Variants in TNC observed in about 807,000 individuals in gnomAD.
The protein encoded by TNC is tenascin C.
A neutral mutation model predicts 202.4 loss-of-function variants in TNC; 109 were observed. The observed-to-expected ratio is 0.54, with a 90% CI of 0.46 to 0.63. The LOEUF is 0.63. Ranked by LOEUF, TNC falls within the 30% of genes least tolerant of loss-of-function variation. The pLI is 0.00. For missense variants in TNC, 2,756 were observed against 2,833.3 expected (o/e 0.97, Z 0.62); for synonymous variants, 1,007 against 1,089.7 (o/e 0.92, Z 1.50).
intron 1 of TNC, among the ~76,000 whole-genome samples, chr9:115,109,819 G>T (rs1021706893): frequency 2.6e-5 from 4 of 152,200 alleles, no homozygotes; most frequent in African/African-American, 9.6e-5. Flanking sequence ...CTGCATACTT[G>T]CAAGCCAGTG....
chr9:115,090,479 T>G (rs571996444), intron 2 of TNC, 83 bp downstream of exon 2: 35 of 1,168,982 alleles, frequency 3.0e-5, no homozygotes, highest in Non-Finnish European at 4.2e-5. Flanking sequence ...GAGCCCACTT[T>G]GGAAGCAAGT....
At chr9:115,062,218 A>G (rs530489316) in intron 13 of TNC, among the ~76,000 whole-genome samples, 2 of 152,338 alleles carry the variant, frequency 1.3e-5, no homozygotes, top group East Asian at 3.9e-4. Flanking sequence ...ACTGACATTC[A>G]TTAACTTATT....
chr9:115,072,731 G>A (rs915448578), intron 10 of TNC, among the ~76,000 whole-genome samples: 11 of 152,066 alleles, frequency 7.2e-5, no homozygotes, highest in Non-Finnish European at 1.0e-4. Flanking sequence ...ATATCAGTAC[G>A]GTACAATGTA....
At chr9:115,031,437 T>C in intron 23 of TNC, 116 bp downstream of exon 23, 1 of 1,191,820 alleles carries the variant, frequency 8.4e-7, no homozygotes, top group Non-Finnish European at 1.1e-6. Flanking sequence ...TAGCAGTGAA[T>C]CGATTCTTTT....
chr9:115,021,062 G>T lies in TNC; in HGVS notation c.*95C>A. ...TTTGACTCTCACCAAATGCCCAGGTGTGGACCGATGGTTGGGCTGGTTGTA... is the reference window on the plus strand; with the variant it reads ...TTTGACTCTCACCAAATGCCCAGGTTTGGACCGATGGTTGGGCTGGTTGTA... On this transcript the variant is annotated 3_prime_UTR_variant, in exon 28 of 28. Transcript: ENST00000350763. 1 of 1,044,020 alleles carries T rather than the reference G, an allele frequency of 9.6e-7. No individual in the cohort carries two copies. Among genetic ancestry groups the T allele is most frequent in the South Asian group, 1.5e-5 (1 of 68,438 alleles). The allele number at this position is 1,044,020 out of a possible 1,614,324, so 64.7% of individuals were successfully genotyped here.
intron 25 of TNC, among the ~76,000 whole-genome samples, chr9:115,029,049 A>T (rs1011614661): frequency 1.3e-5 from 2 of 150,274 alleles, no homozygotes; most frequent in African/African-American, 2.4e-5. Flanking sequence ...AAAAAAAAAA[A>T]AAAAAAGGCA....
intron 1 of TNC, among the ~76,000 whole-genome samples, chr9:115,107,678 G>A (rs569334239): frequency 6.6e-6 from 1 of 152,266 alleles, no homozygotes; most frequent in South Asian, 2.1e-4. Context: ...TTTATTTGTG[G>A]TTCTAAAATG....
intron 1 of TNC, among the ~76,000 whole-genome samples, chr9:115,099,316 G>A (rs540138592): frequency 2.0e-5 from 3 of 152,328 alleles, no homozygotes; most frequent in African/African-American, 7.2e-5. Context: ...TGAGCTCACA[G>A]TCAGGTATAG....
intron 16 of TNC, among the ~76,000 whole-genome samples, chr9:115,047,973 C>CAACCTGT: frequency 6.6e-6 from 1 of 152,074 alleles, no homozygotes; most frequent in African/African-American, 2.4e-5. Flanking sequence ...TCACAAGGGA[C>CAACCTGT]GATGATATGA....
chr9:115,111,399 C>CTCTTTTTTTTTTTTTT (rs1174066886), intron 1 of TNC, among the ~76,000 whole-genome samples: 3 of 71,342 alleles, frequency 4.2e-5, no homozygotes, highest in African/African-American at 1.8e-4. Context: ...CTCTCTCTCT[C>CTCTTTTTTTTTTTTTT]TTTTTTTTTT....
rs771562031 is a variant in TNC, at chr9:115,087,095, C to T, written c.636G>A (p.Thr212=). Residue 212 remains threonine, a synonymous_variant, in exon 3 of 28, where the codon ACG becomes ACA. Coordinates refer to ENST00000350763, the MANE Select transcript of TNC (RefSeq NM_002160.4). ...DGQCICDDGF[T]GEDCSQLACP... is the part of the protein sequence containing the mutation. ...AAGCCAGCTGGCTGCAGTCCTCGCC[C>T]GTGAAGCCGTCGTCACAGATGCACT... The T allele has an allele frequency of 2.0e-5, 33 of 1,614,090 alleles. No individual in the cohort carries two copies. The highest frequency in any genetic ancestry group is 1.6e-4 in the Middle Eastern group (1 of 6,084).
intron 10 of TNC, among the ~76,000 whole-genome samples, chr9:115,071,692 G>T (rs1833479499): frequency 6.6e-6 from 1 of 152,126 alleles, no homozygotes; most frequent in South Asian, 2.1e-4. Flanking sequence ...CTAAGGGAGA[G>T]GGGCAGAGGA....
At chr9:115,108,349 T>C (rs368568728) in intron 1 of TNC, among the ~76,000 whole-genome samples, 2 of 152,184 alleles carry the variant, frequency 1.3e-5, no homozygotes, top group East Asian at 3.8e-4. Flanking sequence ...GTTGAACAGA[T>C]TAATTACAGC....
At chr9:115,044,742 AC>A in intron 17 of TNC, among the ~76,000 whole-genome samples, 1 of 152,222 alleles carries the variant, frequency 6.6e-6, no homozygotes, top group African/African-American at 2.4e-5. Context: ...GGAGACTGAG[AC>A]CTGCATCCCA....
intron 21 of TNC, chr9:115,035,587 AGC>A (rs1830261435): frequency 2.5e-6 from 1 of 397,852 alleles, no homozygotes; most frequent in African/African-American, 2.1e-5. Context: ...AGAAGTATAC[AGC>A]TGTGAACATC....
At chr9:115,035,738 A>T (rs1343446968) in intron 21 of TNC, 3 of 268,672 alleles carry the variant, frequency 1.1e-5, no homozygotes, top group Non-Finnish European at 2.1e-5. Context: ...AACCTAACAA[A>T]CATCTAGGAA....
At chr9:115,093,478 C>G (rs1481828997) in intron 1 of TNC, among the ~76,000 whole-genome samples, 3 of 152,176 alleles carry the variant, frequency 2.0e-5, no homozygotes, top group South Asian at 4.1e-4. Context: ...TTGGCATGTT[C>G]TCTCCTTTCA....
At chr9:115,037,756 G>A (rs1830442994) in intron 20 of TNC, among the ~76,000 whole-genome samples, 1 of 152,120 alleles carries the variant, frequency 6.6e-6, no homozygotes, top group African/African-American at 2.4e-5. Flanking sequence ...TCAAACTCCT[G>A]GTCTCAAGTG....
At chr9:115,027,024 G>T (rs10982500) in intron 25 of TNC, among the ~76,000 whole-genome samples, 3,194 of 151,414 alleles carry the variant, frequency 0.021, 45 homozygotes, top group Non-Finnish European at 0.029. Context: ...CAGGAGAATC[G>T]CTTGAACCCG....
Sources: gnomAD v4.1 joint callset for allele counts (sites outside exome capture counted in the v4.1 genomes callset) on GRCh38, gnomAD v4.1.1 for gene constraint, MANE v1.5 for transcripts, NCBI Gene and HGNC (gene_info 2026-07-23, HGNC 2026-07-21) for gene names.